Variants in EXOC4 observed in about 807,000 individuals in gnomAD.
EXOC4 encodes exocyst complex component 4.
In EXOC4, 71 loss-of-function variants were observed where a neutral mutation model predicts 107.2. The observed-to-expected ratio is 0.66, with a 90% CI of 0.55 to 0.81. The LOEUF (loss-of-function observed/expected upper bound fraction) is 0.81. EXOC4 is among the 30% of genes least tolerant of loss of function. The probability of loss-of-function intolerance (pLI) is 0.00; values close to 1 mark genes in which losing one functional copy is unlikely to be tolerated. For synonymous variants in EXOC4, 456 were observed against 441.2 expected (o/e 1.03, Z -0.42); for missense variants, 1,108 against 1,189.6 (o/e 0.93, Z 1.01).
At chr7:133,319,243 C>T (rs1312245057) in intron 5 of EXOC4, among the ~76,000 whole-genome samples, 1 of 152,136 alleles carries the variant, frequency 6.6e-6, no homozygotes, top group Non-Finnish European at 1.5e-5. Flanking sequence ...TGAAATATGC[C>T]AGTTACGGCA....
intron 9 of EXOC4, among the ~76,000 whole-genome samples, chr7:133,493,009 A>G (rs1174770661): frequency 6.6e-6 from 1 of 152,152 alleles, no homozygotes; most frequent in East Asian, 1.9e-4. Context: ...TACCTAGGTG[A>G]CTTTGGGCAC....
intron 10 of EXOC4, among the ~76,000 whole-genome samples, chr7:133,737,911 T>TTTTTC (rs1554394676): frequency 2.3e-5 from 3 of 132,282 alleles, no homozygotes; most frequent in African/African-American, 8.6e-5. Context: ...TTTTCTTTCT[T>TTTTTC]TTTTTTTTTT....
chr7:133,581,319 C>T (rs939165826), intron 9 of EXOC4, among the ~76,000 whole-genome samples: 10 of 152,088 alleles, frequency 6.6e-5, no homozygotes, highest in East Asian at 5.8e-4. Context: ...TATTTTAGGT[C>T]GCGGGTACAT....
intron 7 of EXOC4, among the ~76,000 whole-genome samples, chr7:133,393,497 G>A (rs1488340541): frequency 1.3e-5 from 2 of 152,126 alleles, no homozygotes; most frequent in Non-Finnish European, 2.9e-5. Context: ...TAGACTGAAT[G>A]TTTATGTCCC....
intron 10 of EXOC4, among the ~76,000 whole-genome samples, chr7:133,745,590 A>G (rs1795657763): frequency 6.6e-6 from 1 of 152,128 alleles, no homozygotes; most frequent in Non-Finnish European, 1.5e-5. Flanking sequence ...AAGAAACAGG[A>G]TATAAAGTGA....
the EXOC4 span, among the ~76,000 whole-genome samples, chr7:134,076,659 A>G: frequency 1.3e-5 from 2 of 151,008 alleles, no homozygotes; most frequent in African/African-American, 4.8e-5. Flanking sequence ...TAAACAAAAA[A>G]TATATAAATA....
intron 10 of EXOC4, among the ~76,000 whole-genome samples, chr7:133,754,162 A>C (rs1176980246): frequency 6.6e-6 from 1 of 152,098 alleles, no homozygotes; most frequent in African/African-American, 2.4e-5. Flanking sequence ...TTGTCACAAG[A>C]ATTGACAGGT....
intron 10 of EXOC4, among the ~76,000 whole-genome samples, chr7:133,787,969 A>ATT (rs1317194734): frequency 2.3e-4 from 5 of 21,860 alleles, no homozygotes; most frequent in South Asian, 2.5e-3. Flanking sequence ...ATATTTATAT[A>ATT]TATATATATA....
rs548911557 is a variant in EXOC4, at chr7:134,064,845, A to G, written c.*317A>G. ...ATGGATTACTAATATTTGATTTATT[A>G]CTCAATATATATATAATTCCAGCCT... On this transcript the variant is annotated 3_prime_UTR_variant, in exon 18 of 18. Transcript: ENST00000253861. 1.8e-5 allele frequency: 3 copies of G among 170,226 alleles called. No individual in the cohort carries two copies. In the South Asian group the frequency reaches 5.7e-4, roughly 32 times the overall value. 10.5% of individuals were successfully genotyped at this position (170,226 alleles called of 1,614,324 possible). A position where few individuals can be genotyped will look rare whatever the true frequency, so the allele number is the denominator to read the frequency against.
At chr7:133,593,253 A>G (rs887030179) in intron 9 of EXOC4, among the ~76,000 whole-genome samples, 8 of 152,242 alleles carry the variant, frequency 5.3e-5, no homozygotes, top group Non-Finnish European at 1.2e-4. Flanking sequence ...ATCACATATC[A>G]GCAAGAAGAG....
chr7:133,840,938 G>T (rs916360352), intron 11 of EXOC4, among the ~76,000 whole-genome samples: 1 of 152,180 alleles, frequency 6.6e-6, no homozygotes, highest in African/African-American at 2.4e-5. Flanking sequence ...CCTGAATAAG[G>T]CAGTAGGAAA....
At chr7:133,768,929 A>T (rs1796190966) in intron 10 of EXOC4, among the ~76,000 whole-genome samples, 2 of 151,992 alleles carry the variant, frequency 1.3e-5, no homozygotes, top group African/African-American at 4.8e-5. Context: ...AGAGGCCACG[A>T]CACTTAAACT....
At chr7:134,034,863 G>A (rs945190465) in intron 17 of EXOC4, among the ~76,000 whole-genome samples, 12 of 152,172 alleles carry the variant, frequency 7.9e-5, no homozygotes, top group East Asian at 5.8e-4. Context: ...ATTGTTTTTC[G>A]TGAATCATCA....
At chr7:133,455,323 A>G (rs1275961750) in intron 7 of EXOC4, among the ~76,000 whole-genome samples, 1 of 152,000 alleles carries the variant, frequency 6.6e-6, no homozygotes, top group Non-Finnish European at 1.5e-5. Flanking sequence ...TTTTCATTTA[A>G]TTTTTTTGAA....
chr7:133,397,510 CT>C (rs1350270434), intron 7 of EXOC4, among the ~76,000 whole-genome samples: 2 of 152,058 alleles, frequency 1.3e-5, no homozygotes, highest in African/African-American at 4.8e-5. Context: ...TTAAGGACAG[CT>C]TCTTTGCTTT....
intron 17 of EXOC4, among the ~76,000 whole-genome samples, chr7:134,054,774 G>A (rs951848027): frequency 6.6e-6 from 1 of 152,186 alleles, no homozygotes; most frequent in African/African-American, 2.4e-5. Flanking sequence ...ATTCAAATAC[G>A]TATCAGCCAC....
At chr7:133,628,934 G>A (rs1388657071) in intron 9 of EXOC4, among the ~76,000 whole-genome samples, 1 of 152,198 alleles carries the variant, frequency 6.6e-6, no homozygotes, top group Non-Finnish European at 1.5e-5. Context: ...ATGGAGCACT[G>A]CTTTATGAAA....
intron 14 of EXOC4, among the ~76,000 whole-genome samples, chr7:133,962,165 G>C (rs1800961050): frequency 6.6e-6 from 1 of 152,104 alleles, no homozygotes; most frequent in African/African-American, 2.4e-5. Context: ...CTAGAACCCA[G>C]GTTAACTCTT....
chr7:134,034,484 G>C (rs1440140863), intron 17 of EXOC4, among the ~76,000 whole-genome samples: 1 of 152,290 alleles, frequency 6.6e-6, no homozygotes, highest in African/African-American at 2.4e-5. Flanking sequence ...GGAGGTAATT[G>C]AATCACGGGG....
Sources: allele counts gnomAD v4.1 joint callset (sites outside exome capture counted in the v4.1 genomes callset), GRCh38; gene constraint gnomAD v4.1.1; transcripts MANE v1.5; gene names NCBI Gene and HGNC (gene_info 2026-07-23, HGNC 2026-07-21).